MACROD2: variants seen among roughly 807,000 people sequenced by gnomAD.
The protein encoded by MACROD2 is mono-ADP ribosylhydrolase 2.
Under a neutral mutation model 70.4 loss-of-function variants are expected in MACROD2, and 36 were observed. That is an observed-to-expected ratio of 0.51 (90% CI 0.39 to 0.68). MACROD2 has a LOEUF of 0.68. MACROD2 is among the 30% of genes least tolerant of loss of function. MACROD2 has a pLI of 0.00. For missense variants in MACROD2, 496 were observed against 538.4 expected (o/e 0.92, Z 0.78); for synonymous variants, 172 against 178.8 (o/e 0.96, Z 0.30).
rs895579899 is a variant in MACROD2 at position 15,333,116 on chromosome 20, A to G, written c.541-98289A>G. Among the ~76,000 whole-genome samples the G allele has an allele frequency of 6.6e-5, 10 of 151,594 alleles. 1 individual carries two copies. The highest frequency in any genetic ancestry group is 2.2e-4 in the African/African-American group (9 of 40,978). On this transcript the variant is annotated intron_variant, in intron 6 of 17. Transcript: ENST00000684519. ...AACACAAAGCTATTTACCTAGAGCA[A>G]TGGTTCCCAGAGTGCAGTCCTCAGA...
chr20:14,381,855 G>A (rs561968201), intron 3 of MACROD2, among the ~76,000 whole-genome samples: 36 of 152,222 alleles, frequency 2.4e-4, no homozygotes, highest in Admixed American at 1.2e-3. Flanking sequence ...AAGTCTACTT[G>A]TTGAATTCAC....
intron 6 of MACROD2, among the ~76,000 whole-genome samples, chr20:15,402,883 T>C (rs1396548464): frequency 6.6e-6 from 1 of 152,176 alleles, no homozygotes; most frequent in African/African-American, 2.4e-5. Context: ...TTAAATATGT[T>C]GAGAGAAATA....
chr20:15,147,963 T>C (rs896848525), intron 5 of MACROD2, among the ~76,000 whole-genome samples: 4 of 152,130 alleles, frequency 2.6e-5, no homozygotes, highest in Non-Finnish European at 4.4e-5. Flanking sequence ...ATGTCATCAG[T>C]TAAGGCAGGA....
At chr20:15,537,467 C>CTTTTTTTT (rs35857138) in intron 8 of MACROD2, among the ~76,000 whole-genome samples, 2 of 89,956 alleles carry the variant, frequency 2.2e-5, no homozygotes, top group African/African-American at 9.5e-5. Flanking sequence ...TCCCACTCAT[C>CTTTTTTTT]TTTTTTTTTT....
At chr20:15,293,991 G>A (rs989075099) in intron 6 of MACROD2, among the ~76,000 whole-genome samples, 1 of 151,854 alleles carries the variant, frequency 6.6e-6, no homozygotes, top group Non-Finnish European at 1.5e-5. Flanking sequence ...GTGGTGATGG[G>A]CACCTGTAAC....
At chr20:15,213,596 A>G (rs548020751) in intron 5 of MACROD2, among the ~76,000 whole-genome samples, 1 of 152,268 alleles carries the variant, frequency 6.6e-6, no homozygotes, top group South Asian at 2.1e-4. Flanking sequence ...AGGTGAAGGA[A>G]GGCCAATGTT....
chr20:14,803,330 C>T (rs2072600854), intron 5 of MACROD2, among the ~76,000 whole-genome samples: 1 of 152,022 alleles, frequency 6.6e-6, no homozygotes, highest in East Asian at 1.9e-4. Flanking sequence ...AAATAGAGAA[C>T]ACTCACTGCA....
chr20:14,738,014 T>C (rs1366097607), intron 5 of MACROD2, among the ~76,000 whole-genome samples: 1 of 152,152 alleles, frequency 6.6e-6, no homozygotes, highest in Non-Finnish European at 1.5e-5. Flanking sequence ...TGTTTACCTC[T>C]GATAATAGTT....
At chr20:15,240,780 A>T (rs989754744) in intron 6 of MACROD2, among the ~76,000 whole-genome samples, 8 of 152,128 alleles carry the variant, frequency 5.3e-5, no homozygotes, top group Non-Finnish European at 1.0e-4. Flanking sequence ...GGCCCTGAAG[A>T]TGGAATTACT....
intron 6 of MACROD2, among the ~76,000 whole-genome samples, chr20:15,288,874 T>TATCC (rs2077516141): frequency 8.7e-6 from 1 of 114,968 alleles, no homozygotes; most frequent in Non-Finnish European, 1.9e-5. Context: ...TCTGTCTATC[T>TATCC]ATCTATCTAT....
intron 5 of MACROD2, among the ~76,000 whole-genome samples, chr20:14,910,896 A>C (rs193033549): frequency 6.6e-6 from 1 of 152,252 alleles, no homozygotes; most frequent in African/African-American, 2.4e-5. Flanking sequence ...TTTGTCTACA[A>C]CCCATAATAA....
chr20:14,654,604 G>T (rs2123518816), intron 4 of MACROD2, among the ~76,000 whole-genome samples: 1 of 151,902 alleles, frequency 6.6e-6, no homozygotes, highest in South Asian at 2.1e-4. Flanking sequence ...AGCAAAACCA[G>T]GTTCAACAAG....
chr20:14,109,299 A>G (rs2054415289), intron 3 of MACROD2, among the ~76,000 whole-genome samples: 1 of 151,968 alleles, frequency 6.6e-6, no homozygotes, highest in Non-Finnish European at 1.5e-5. Context: ...TACATTAATA[A>G]AGAAGAAAAA....
At chr20:14,394,498 A>C (rs1308439869) in intron 3 of MACROD2, among the ~76,000 whole-genome samples, 1 of 152,190 alleles carries the variant, frequency 6.6e-6, no homozygotes, top group Non-Finnish European at 1.5e-5. Context: ...AAGCTTTTGC[A>C]CAGAATATGT....
intron 8 of MACROD2, among the ~76,000 whole-genome samples, chr20:15,699,540 T>A (rs2050425022): frequency 6.6e-6 from 1 of 152,146 alleles, no homozygotes; most frequent in Non-Finnish European, 1.5e-5. Context: ...TCTGTTTTTG[T>A]GCTGGTTGGC....
intron 4 of MACROD2, among the ~76,000 whole-genome samples, chr20:14,633,347 G>C (rs1306268908): frequency 6.6e-6 from 1 of 152,038 alleles, no homozygotes; most frequent in Non-Finnish European, 1.5e-5. Context: ...GGTTGCAGGG[G>C]TATCTTTGGG....
intron 6 of MACROD2, among the ~76,000 whole-genome samples, chr20:15,352,311 T>C (rs2078236567): frequency 6.6e-6 from 1 of 152,180 alleles, no homozygotes. Flanking sequence ...AGTGTGAGGG[T>C]TTTCTCATTT....
intron 3 of MACROD2, among the ~76,000 whole-genome samples, chr20:14,210,872 T>C (rs551816033): frequency 2.0e-5 from 3 of 152,298 alleles, no homozygotes; most frequent in African/African-American, 7.2e-5. Flanking sequence ...GATTGGCTGA[T>C]TGGCGACTCT....
intron 5 of MACROD2, among the ~76,000 whole-genome samples, chr20:14,778,205 G>A (rs2072257179): frequency 6.6e-6 from 1 of 152,134 alleles, no homozygotes; most frequent in Admixed American, 6.5e-5. Flanking sequence ...AAGTAATAGG[G>A]AAGTAGTATG....
Sources: gnomAD v4.1 joint callset for allele counts (sites outside exome capture counted in the v4.1 genomes callset) on GRCh38, gnomAD v4.1.1 for gene constraint, MANE v1.5 for transcripts, NCBI Gene and HGNC (gene_info 2026-07-23, HGNC 2026-07-21) for gene names.